ZFHX3: variants seen among roughly 807,000 people sequenced by gnomAD.
ZFHX3 encodes zinc finger homeobox protein 3.
In ZFHX3, 42 loss-of-function variants were observed where a neutral mutation model predicts 279.1. The ratio of observed to expected loss-of-function variants is 0.15; its 90% CI spans 0.12 to 0.19. ZFHX3 has a LOEUF of 0.19. Among genes scored for constraint, ZFHX3 ranks in the 10% least tolerant of loss-of-function variants. The pLI is 1.00. For missense variants in ZFHX3, 4,981 were observed against 4,754.0 expected (o/e 1.05, Z -1.40); for synonymous variants, 2,293 against 1,957.8 (o/e 1.17, Z -4.52).
At chr16:73,476,372 G>A (rs2018765706) in intron 2 of ZFHX3, among the ~76,000 whole-genome samples, 1 of 152,134 alleles carries the variant, frequency 6.6e-6, no homozygotes, top group African/African-American at 2.4e-5. Context: ...AACCACTGCA[G>A]AACGTGTAGG....
intron 4 of ZFHX3, among the ~76,000 whole-genome samples, chr16:73,315,951 G>C (rs1464177512): frequency 6.6e-6 from 1 of 152,140 alleles, no homozygotes; most frequent in Admixed American, 6.5e-5. Flanking sequence ...TACACAAGAC[G>C]CATACCCATC....
intron 3 of ZFHX3, among the ~76,000 whole-genome samples, chr16:73,350,512 C>T (rs2016219212): frequency 6.6e-6 from 1 of 152,172 alleles, no homozygotes. Flanking sequence ...TTGGGATTCC[C>T]TGGACTCCTG....
intron 1 of ZFHX3, among the ~76,000 whole-genome samples, chr16:73,719,143 A>T (rs1245300699): frequency 6.6e-6 from 1 of 152,150 alleles, no homozygotes; most frequent in African/African-American, 2.4e-5. Flanking sequence ...TTGAACTTTC[A>T]CTTTCTAATT....
chr16:73,163,723 G>A (rs920659422), intron 5 of ZFHX3, among the ~76,000 whole-genome samples: 8 of 152,252 alleles, frequency 5.3e-5, no homozygotes, highest in Admixed American at 5.2e-4. Flanking sequence ...TTTAGAGGAA[G>A]TGAGGAATTA....
chr16:73,475,124 T>C (rs1192044844), intron 2 of ZFHX3, among the ~76,000 whole-genome samples: 2 of 152,242 alleles, frequency 1.3e-5, no homozygotes, highest in African/African-American at 4.8e-5. Context: ...TGAGTAGTTC[T>C]TCAGTTTTTA....
chr16:73,144,852 A>G (rs1966856651), intron 5 of ZFHX3, among the ~76,000 whole-genome samples: 10 of 152,174 alleles, frequency 6.6e-5, no homozygotes, highest in Admixed American at 6.5e-4. Context: ...TATAAAGCAC[A>G]TCTCAAGCTG....
chr16:73,815,295 C>G (rs988428533), intron 1 of ZFHX3, among the ~76,000 whole-genome samples: 5 of 152,176 alleles, frequency 3.3e-5, no homozygotes, highest in Non-Finnish European at 7.3e-5. Flanking sequence ...CTGATCTAAG[C>G]ATACCTGAAT....
At chr16:72,943,524 C>T (rs1421928737) in intron 3 of ZFHX3, among the ~76,000 whole-genome samples, 1 of 151,750 alleles carries the variant, frequency 6.6e-6, no homozygotes, top group East Asian at 1.9e-4. Flanking sequence ...AGAGTGAGAC[C>T]CAGTCTCAAA....
chr16:73,796,854 A>G (rs1319299957), intron 1 of ZFHX3, among the ~76,000 whole-genome samples: 1 of 152,202 alleles, frequency 6.6e-6, no homozygotes, highest in Non-Finnish European at 1.5e-5. Flanking sequence ...TTGGGGCTGT[A>G]ACATGTCCTG....
At chr16:73,381,793 G>T (rs960583690) in intron 3 of ZFHX3, among the ~76,000 whole-genome samples, 1 of 152,158 alleles carries the variant, frequency 6.6e-6, no homozygotes, top group Non-Finnish European at 1.5e-5. Flanking sequence ...AAAAATAAAA[G>T]TCTATGCATA....
intron 2 of ZFHX3, among the ~76,000 whole-genome samples, chr16:73,544,599 G>T (rs7196518): frequency 0.044 from 6,709 of 152,170 alleles, 423 homozygotes; most frequent in Admixed American, 0.14. Context: ...GGGGAACGGG[G>T]ACCTATCACT....
chr16:72,957,631 T>A lies in ZFHX3; in HGVS notation c.2515A>T (p.Met839Leu), dbSNP rs777919020. 1 of 1,614,130 alleles carries A rather than the reference T, an allele frequency of 6.2e-7. No individual in the cohort carries two copies. Among genetic ancestry groups the A allele is most frequent in the South Asian group, 1.1e-5 (1 of 91,078 alleles). The change falls in exon 2 of 10, where the codon ATG becomes TTG. Residue 839 changes from methionine to leucine, a missense_variant. Physicochemically the swap from Met to Leu is conservative, Grantham distance 15. Coordinates refer to ENST00000268489, the MANE Select transcript of ZFHX3 (RefSeq NM_006885.4). Reference sequence around the variant, plus strand: ...TGGCGGTTGTGTTGGATCTGGGTCATGTTCTGTTGCAGTAACATCATGTTA... The same window carrying A: ...TGGCGGTTGTGTTGGATCTGGGTCAAGTTCTGTTGCAGTAACATCATGTTA... ...MHNMMLLQQN[M>L]TQIQHNRHLG...
chr16:73,151,623 A>G (rs1400171764), intron 5 of ZFHX3, among the ~76,000 whole-genome samples: 1 of 152,110 alleles, frequency 6.6e-6, no homozygotes, highest in African/African-American at 2.4e-5. Context: ...CTCCTCCAGG[A>G]GCCTTCATTC....
intron 5 of ZFHX3, among the ~76,000 whole-genome samples, chr16:73,149,807 T>C (rs565258858): frequency 7.8e-4 from 119 of 152,306 alleles, no homozygotes; most frequent in Admixed American, 1.3e-3. Context: ...ATTGTCTTCA[T>C]TGTGCTATGT....
intron 2 of ZFHX3, among the ~76,000 whole-genome samples, chr16:73,521,123 G>A (rs1217341566): frequency 6.6e-6 from 1 of 152,140 alleles, no homozygotes; most frequent in Non-Finnish European, 1.5e-5. Context: ...GGCAGTTAAG[G>A]AATCCCAGCC....
At position 73,591,657 on chromosome 16, in the gene ZFHX3, C is replaced by T. The variant is rs185831896; in HGVS notation, c.-1547+88523G>A. On this transcript the variant is annotated intron_variant, in intron 2 of 17. Coordinates refer to the ZFHX3 transcript ENST00000641206. ...GCAGTGAGCTGAGATCATGCCACTG[C>T]ACTCCAGCCTGGGCGACAGAGCGAG... Among the ~76,000 whole-genome samples the T allele has an allele frequency of 4.8e-3, 629 of 130,502 alleles. 9 individuals are homozygous for T. Among genetic ancestry groups the T allele is most frequent in the African/African-American group, 0.018 (616 of 34,004 alleles). The allele number at this position is 130,502 out of a possible 152,430, so 85.6% of individuals were successfully genotyped here.
At chr16:73,812,338 T>G (rs1212351939) in intron 1 of ZFHX3, among the ~76,000 whole-genome samples, 1 of 152,226 alleles carries the variant, frequency 6.6e-6, no homozygotes, top group South Asian at 2.1e-4. Context: ...TCCTCTGTCC[T>G]CCTGGCATAA....
intron 4 of ZFHX3, among the ~76,000 whole-genome samples, chr16:72,843,887 C>T (rs116336635): frequency 6.6e-6 from 1 of 152,274 alleles, no homozygotes; most frequent in African/African-American, 2.4e-5. Context: ...ACAAAACCAG[C>T]CAATCCTGTT....
At chr16:72,912,142 G>C (rs2039334207) in intron 3 of ZFHX3, among the ~76,000 whole-genome samples, 1 of 152,242 alleles carries the variant, frequency 6.6e-6, no homozygotes, top group Non-Finnish European at 1.5e-5. Context: ...ATGCAGCCCA[G>C]ACGCTGGCTG....
Sources: gnomAD v4.1 joint callset for allele counts (sites outside exome capture counted in the v4.1 genomes callset) on GRCh38, gnomAD v4.1.1 for gene constraint, MANE v1.5 for transcripts, NCBI Gene and HGNC (gene_info 2026-07-23, HGNC 2026-07-21) for gene names.